CRPPA: variants seen among roughly 807,000 people sequenced by gnomAD.
CRPPA encodes the protein CDP-L-ribitol pyrophosphorylase A.
In CRPPA, 43 loss-of-function variants were observed where a neutral mutation model predicts 52.0. The ratio of observed to expected loss-of-function variants is 0.83; its 90% CI spans 0.65 to 1.07. The LOEUF is 1.07. CRPPA is among the 50% of genes least tolerant of loss of function. CRPPA has a pLI of 0.00. For synonymous variants in CRPPA, 250 were observed against 203.5 expected (o/e 1.23, Z -1.94); for missense variants, 629 against 551.7 (o/e 1.14, Z -1.40).
intron 3 of CRPPA, among the ~76,000 whole-genome samples, chr7:16,373,580 A>C (rs771381508): frequency 3.9e-5 from 6 of 152,158 alleles, no homozygotes; most frequent in Non-Finnish European, 7.3e-5. Context: ...GATGCTGGGG[A>C]GAGATGAAAA....
Position 16,286,066 on chromosome 7 carries a change from T to TAATATTTAAAA in CRPPA, c.836-7841_836-7840insTTTTAAATATT, listed in dbSNP as rs1562608529. On this transcript the variant is annotated intron_variant, in intron 5 of 9. Transcript: ENST00000407010. ...ATAAATATATATATATATATATATA[T>TAATATTTAAAA]ATATATATATATATAATATTTAAAA... 4.3e-3 allele frequency among the ~76,000 whole-genome samples: 112 copies of TAATATTTAAAA among 25,828 alleles called. 9 individuals carry two copies. The highest frequency in any genetic ancestry group is 4.5e-3 in the Non-Finnish European group (65 of 14,590). The allele number at this position is 25,828 out of a possible 152,430, so 16.9% of individuals were successfully genotyped here. A position where few individuals can be genotyped will look rare whatever the true frequency, so the allele number is the denominator to read the frequency against.
chr7:16,215,983 T>C, intron 9 of CRPPA, 83 bp downstream of exon 9: 1 of 1,065,976 alleles, frequency 9.4e-7, no homozygotes, highest in Non-Finnish European at 1.3e-6. Context: ...ATCAATAATA[T>C]CCTCCTGCTT....
intron 9 of CRPPA, among the ~76,000 whole-genome samples, chr7:16,171,821 A>T (rs1781193177): frequency 6.6e-6 from 1 of 152,020 alleles, no homozygotes; most frequent in Non-Finnish European, 1.5e-5. Flanking sequence ...AAATAAAAAT[A>T]AGTGCTTTCT....
At chr7:16,153,234 C>G (rs1416723306) in intron 9 of CRPPA, among the ~76,000 whole-genome samples, 2 of 151,944 alleles carry the variant, frequency 1.3e-5, no homozygotes, top group African/African-American at 2.4e-5. Flanking sequence ...TATAAATTAC[C>G]TATGAGGTAT....
chr7:16,322,543 G>T (rs1057371057), intron 3 of CRPPA, among the ~76,000 whole-genome samples: 3 of 151,006 alleles, frequency 2.0e-5, no homozygotes, highest in African/African-American at 7.3e-5. Context: ...GGGTGTAGAT[G>T]AAATCCAGGG....
At chr7:16,409,216 G>A (rs1042153457) in intron 1 of CRPPA, among the ~76,000 whole-genome samples, 23 of 152,110 alleles carry the variant, frequency 1.5e-4, no homozygotes, top group African/African-American at 4.8e-4. Flanking sequence ...CTAGAATTTA[G>A]AGAAAGGCGA....
At chr7:16,328,515 G>A (rs1014277617) in intron 3 of CRPPA, among the ~76,000 whole-genome samples, 2 of 152,032 alleles carry the variant, frequency 1.3e-5, no homozygotes, top group Non-Finnish European at 2.9e-5. Context: ...TGGGGGGTTT[G>A]TTTTGTTCTG....
intron 5 of CRPPA, among the ~76,000 whole-genome samples, chr7:16,283,987 T>C (rs770804201): frequency 6.6e-6 from 1 of 152,080 alleles, no homozygotes; most frequent in Non-Finnish European, 1.5e-5. Flanking sequence ...ATGCTGAAAG[T>C]AGCATATTGA....
chr7:16,139,436 A>C (rs960166045), intron 9 of CRPPA, among the ~76,000 whole-genome samples: 19 of 152,158 alleles, frequency 1.2e-4, no homozygotes, highest in African/African-American at 4.6e-4. Flanking sequence ...ACATTTTATG[A>C]CTGATTCATT....
intron 3 of CRPPA, among the ~76,000 whole-genome samples, chr7:16,352,913 ACACACACACAC>A (rs1786195362): frequency 9.7e-6 from 1 of 102,896 alleles, no homozygotes; most frequent in African/African-American, 3.4e-5. Context: ...ACACACACAC[ACACACACACAC>A]ATTGGAGTAC....
chr7:16,232,866 G>A (rs1782843333), intron 8 of CRPPA, among the ~76,000 whole-genome samples: 1 of 151,964 alleles, frequency 6.6e-6, no homozygotes, highest in Admixed American at 6.6e-5. Flanking sequence ...CCGATTATGA[G>A]GAGAAAAATC....
chr7:16,316,366 T>A (rs576400268), intron 3 of CRPPA, among the ~76,000 whole-genome samples: 1 of 152,266 alleles, frequency 6.6e-6, no homozygotes, highest in Admixed American at 6.5e-5. Flanking sequence ...ATTCTTTTAT[T>A]ACTTCTTGCC....
chr7:16,161,885 G>A (rs1376537221), intron 9 of CRPPA, among the ~76,000 whole-genome samples: 1 of 152,106 alleles, frequency 6.6e-6, no homozygotes, highest in Non-Finnish European at 1.5e-5. Flanking sequence ...TCTATTTAGG[G>A]ATTCAATTTC....
At chr7:16,155,721 C>G (rs545527007) in intron 9 of CRPPA, among the ~76,000 whole-genome samples, 1 of 152,134 alleles carries the variant, frequency 6.6e-6, no homozygotes, top group Non-Finnish European at 1.5e-5. Flanking sequence ...GGCTTGCATT[C>G]AACATTATGC....
At chr7:16,115,912 C>G (rs1782361473) in intron 9 of CRPPA, among the ~76,000 whole-genome samples, 1 of 151,882 alleles carries the variant, frequency 6.6e-6, no homozygotes, top group Non-Finnish European at 1.5e-5. Context: ...ATAGATGGCA[C>G]AAAAGGTAAA....
intron 3 of CRPPA, among the ~76,000 whole-genome samples, chr7:16,370,997 T>C (rs1466773103): frequency 6.6e-6 from 1 of 152,202 alleles, no homozygotes; most frequent in African/African-American, 2.4e-5. Context: ...AAGAGCTGCC[T>C]GTTTGATATG....
At chr7:16,216,968 A>G (rs922378280) in intron 8 of CRPPA, among the ~76,000 whole-genome samples, 1 of 152,108 alleles carries the variant, frequency 6.6e-6, no homozygotes, top group Non-Finnish European at 1.5e-5. Flanking sequence ...CTGCCTCTGT[A>G]GGCTTCACCT....
chr7:16,407,686 C>G (rs1194946684), intron 1 of CRPPA, among the ~76,000 whole-genome samples: 1 of 152,172 alleles, frequency 6.6e-6, no homozygotes, highest in Non-Finnish European at 1.5e-5. Context: ...TTTCCACAAC[C>G]AAAAACCCCA....
Position 16,376,086 on chromosome 7 carries a change from T to A in CRPPA, c.684+6A>T. 2 of 1,564,548 alleles carry A rather than the reference T, an allele frequency of 1.3e-6. No homozygotes were observed. The highest frequency in any genetic ancestry group is 1.7e-6 in the Non-Finnish European group (2 of 1,156,294). Reference sequence around the variant, plus strand: ...AGCAGCTTATTCAAAAAGCCCAAATTCTTACCTGCTGATATGCTTCATAAA... The same window carrying A: ...AGCAGCTTATTCAAAAAGCCCAAATACTTACCTGCTGATATGCTTCATAAA... On this transcript the variant is annotated splice_donor_region_variant and intron_variant, in intron 3 of 9. Coordinates refer to ENST00000407010, the MANE Select transcript of CRPPA (RefSeq NM_001101426.4).
Sources: allele counts gnomAD v4.1 joint callset (sites outside exome capture counted in the v4.1 genomes callset), GRCh38; gene constraint gnomAD v4.1.1; transcripts MANE v1.5; gene names NCBI Gene and HGNC (gene_info 2026-07-23, HGNC 2026-07-21).